The following RYR1 variants were observed in gnomAD, a reference collection of about 807,000 sequenced individuals.
The protein encoded by RYR1 is ryanodine receptor 1, also known as central core disease of muscle.
In RYR1, 342 loss-of-function variants were observed where a neutral mutation model predicts 583.5. The ratio of observed to expected loss-of-function variants is 0.59; its 90% confidence interval spans 0.54 to 0.64. RYR1 has a LOEUF of 0.64. Ranked by LOEUF, RYR1 falls within the 30% of genes least tolerant of loss-of-function variation. The pLI is 0.00. For synonymous variants in RYR1, 2,791 were observed against 2,822.5 expected, an observed-to-expected ratio of 0.99 and a Z score of 0.35; for missense variants, 6,032 against 6,917.2, an observed-to-expected ratio of 0.87 and a Z score of 4.54.
In RYR1 at chr19:38,473,539, G is replaced by A; in HGVS notation, c.3928G>A (p.Ala1310Thr). 1 of 1,607,716 alleles carries A rather than the reference G, an allele frequency of 6.2e-7. No homozygotes were observed. The highest frequency in any genetic ancestry group is 8.5e-7 in the Non-Finnish European group (1 of 1,177,808). ...FRCTAGATPL[A>T]PPGLQPPAED... The stretch of plus-strand genomic sequence containing the variant: ...CTGCACTGCAGGGGCCACCCCGCTG[G>A]CACCTCCTGGCCTGCAGCCCCCCGC... The change falls in exon 28 of 106, where the codon GCA becomes ACA. Residue 1310 changes from alanine (A) to threonine (T), a missense_variant. By Grantham distance (58) the Ala-to-Thr change is moderately conservative. Coordinates refer to ENST00000359596, the MANE Select transcript of RYR1 (RefSeq NM_000540.3).
chr19:38,515,172 A>G, intron 64 of RYR1, 65 bp downstream of exon 64: 3 of 1,127,032 alleles, frequency 2.7e-6, no homozygotes, highest in Non-Finnish European at 4.0e-6. Context: ...GAGCAGGGGA[A>G]GAAGATGGGG....
rs761877895 is a variant in RYR1, at chr19:38,567,003, G to A, written c.13514+16G>A. 2 of 1,576,132 alleles carry A rather than the reference G, an allele frequency of 1.3e-6. No individual in the cohort carries two copies. The highest frequency in any genetic ancestry group is 3.7e-5 in the Admixed American group (2 of 54,202). ...AGAAAGCCGAGTGAGTGGCCTTGGGGCTGAGGGGCCTAGCCCCTATCACTG... is the reference window on the plus strand; with the variant it reads ...AGAAAGCCGAGTGAGTGGCCTTGGGACTGAGGGGCCTAGCCCCTATCACTG... On this transcript the variant is annotated intron_variant, in intron 92 of 105. Transcript: ENST00000359596.
intron 89 of RYR1, among the ~76,000 whole-genome samples, chr19:38,555,110 A>G (rs912165836): frequency 6.6e-6 from 1 of 151,874 alleles, no homozygotes; most frequent in Non-Finnish European, 1.5e-5. Flanking sequence ...TTCTGCCTCT[A>G]TAGATTTGCC....
rs1600644307 is a variant in RYR1, at chr19:38,444,710, T to C, written c.631+33T>C. ...CCCCAGACCTCCCCCTAAATGGAGA[T>C]CCCCCCAAAACAGACCCTTAATGTT... On this transcript the variant is annotated intron_variant, in intron 7 of 105. Transcript: ENST00000359596. This position sits in a 1 kb window ranked among gnomAD's most constrained non-coding sequence, Gnocchi z 5.1. The C allele has an allele frequency of 1.4e-6, 2 of 1,474,898 alleles. No individual in the cohort carries two copies. Among genetic ancestry groups the C allele is most frequent in the Admixed American group, 1.8e-5 (1 of 56,220 alleles). The allele number at this position is 1,474,898 out of a possible 1,614,324, so 91.4% of individuals were successfully genotyped here.
rs138932463 is a variant in RYR1 at position 38,564,963 on chromosome 19, A to G, written c.12629A>G (p.Lys4210Arg). 8.6e-5 allele frequency: 136 copies of G among 1,582,528 alleles called. No individual in the cohort carries two copies. The highest frequency in any genetic ancestry group is 1.7e-4 in the Middle Eastern group (1 of 5,874). ...NRAQWEMPQV[K>R]ESKRQFIFDV... is the part of the protein sequence containing the mutation. ...GTCTGCCGCCCCTCGCTTCAGGTGAAGGAGTCCAAGCGCCAGTTCATCTTC... is the reference window on the plus strand; with the variant it reads ...GTCTGCCGCCCCTCGCTTCAGGTGAGGGAGTCCAAGCGCCAGTTCATCTTC... The change falls in exon 91 of 106, where the codon AAG becomes AGG. Residue 4210 changes from lysine to arginine, a missense_variant. By Grantham distance (26) the Lys-to-Arg change is conservative. Transcript: ENST00000359596.
At chr19:38,569,768 C>T (rs1973629126) in intron 93 of RYR1, among the ~76,000 whole-genome samples, 1 of 152,152 alleles carries the variant, frequency 6.6e-6, no homozygotes, top group East Asian at 1.9e-4. Flanking sequence ...GTAAAGTGCG[C>T]ATAACAGTAG....
chr19:38,502,676 T>A lies in RYR1; in HGVS notation c.7784T>A (p.Leu2595His). The change falls in exon 48 of 106, where the codon CTC becomes CAC. Residue 2595 changes from leucine to histidine, a missense_variant. Leu to His is a moderately conservative substitution (Grantham distance 99). Around this residue, in one of 11 missense-constraint regions of RYR1, gnomAD observed 250 missense variants for 162.3 expected, o/e 1.54. Coordinates refer to ENST00000359596, the MANE Select transcript of RYR1 (RefSeq NM_000540.3). ...TACCGCCTGTCTCGGGGTCGTTCGC[T>A]CACCAAGGCGCAGCGTGACGTCATC... ...TVYRLSRGRS[L>H]TKAQRDVIED... The A allele has an allele frequency of 6.2e-7, 1 of 1,608,378 alleles. No individual in the cohort carries two copies. The highest frequency in any genetic ancestry group is 8.5e-7 in the Non-Finnish European group (1 of 1,179,374).
chr19:38,528,803 G>T, intron 75 of RYR1, 108 bp downstream of exon 75: 1 of 1,437,768 alleles, frequency 7.0e-7, no homozygotes, highest in South Asian at 1.2e-5. Flanking sequence ...AAGGGGTATA[G>T]AAATGCCAGC....
chr19:38,483,110 G>C lies in RYR1; in HGVS notation c.4704G>C (p.Gln1568His). 1 of 1,614,030 alleles carries C rather than the reference G, an allele frequency of 6.2e-7. No individual in the cohort carries two copies. Among genetic ancestry groups the C allele is most frequent in the Non-Finnish European group, 8.5e-7 (1 of 1,179,906 alleles). Residue 1568 changes from glutamine (Q) to histidine (H), a missense_variant, in exon 32 of 106, where the codon CAG (glutamine) becomes CAC (histidine). Physicochemically the swap from Gln to His is conservative, Grantham distance 24. This residue lies in a region of RYR1 where 2,627 missense variants were observed against 2,961.3 expected (regional missense o/e 0.89). Transcript: ENST00000359596. The surrounding 1 kb of genome is among the most constrained non-coding windows in gnomAD (Gnocchi z 6.3). Reference protein sequence around the residue: ...QNVIQFELGKQKNIMPLSAAM... With the variant: ...QNVIQFELGKHKNIMPLSAAM... Reference sequence around the variant, plus strand: ...TCATCCAGTTTGAGCTGGGGAAGCAGAAGGTACAAGTGCAGTGATGGGGGC... The same window carrying C: ...TCATCCAGTTTGAGCTGGGGAAGCACAAGGTACAAGTGCAGTGATGGGGGC...
chr19:38,456,007 T>G (rs1967362285), intron 16 of RYR1, among the ~76,000 whole-genome samples: 1 of 139,766 alleles, frequency 7.2e-6, no homozygotes. Flanking sequence ...AGTCTCACAC[T>G]GTCGCTCAGA....
rs1218250454 is a variant in RYR1, at chr19:38,442,423, G to A, written c.240G>A (p.Met80Ile). The A allele has an allele frequency of 6.2e-7, 1 of 1,613,452 alleles. No individual in the cohort carries two copies. Among genetic ancestry groups the A allele is most frequent in the African/African-American group, 1.3e-5 (1 of 74,812 alleles). The change falls in exon 3 of 106, where the codon ATG (methionine) becomes ATA (isoleucine). Residue 80 changes from methionine (M) to isoleucine (I), a missense_variant. Around this residue, in one of 11 missense-constraint regions of RYR1, gnomAD observed 338 missense variants for 441.6 expected, o/e 0.77. Transcript: ENST00000359596. ...TGTCTGTGCGAGCCCTGCAGGAGAT[G>A]CTGGCTAACACGGTGGAGGCTGGCG... ...QSLSVRALQE[M>I]LANTVEAGVE... is the part of the protein sequence containing the mutation.
intron 16 of RYR1, 31 bp from the exon 17 acceptor site, chr19:38,457,466 A>C: frequency 6.2e-7 from 1 of 1,613,860 alleles, no homozygotes; most frequent in Non-Finnish European, 8.5e-7. Context: ...TGGTGCCTAC[A>C]CACCCTTTAA....
intron 92 of RYR1, 144 bp downstream of exon 92, chr19:38,567,131 G>A: frequency 7.5e-7 from 1 of 1,331,926 alleles, no homozygotes; most frequent in Non-Finnish European, 1.0e-6. Flanking sequence ...ACGGAGGAGG[G>A]GCTCTGAGTA....
intron 76 of RYR1, among the ~76,000 whole-genome samples, chr19:38,530,468 C>G (rs555960065): frequency 1.9e-4 from 28 of 149,588 alleles, no homozygotes; most frequent in African/African-American, 5.4e-4. Context: ...GGGGGTCTCA[C>G]TATGTTGCCC....
rs770370125 is a variant in RYR1 at position 38,448,374 on chromosome 19, C to G, written c.820C>G (p.Arg274Gly). The change falls in exon 10 of 106, where the codon CGC (arginine) becomes GGC (glycine). Residue 274 changes from arginine (R) to glycine (G), a missense_variant. Physicochemically the swap from Arg to Gly is moderately radical, Grantham distance 125. This residue lies in a region of RYR1 where 338 missense variants were observed against 441.6 expected (regional missense o/e 0.77). Transcript: ENST00000359596. ...CCACAGCTGGAGTGGGAGCCACCTG[C>G]GCTGGGGCCAGCCACTCCGAGTCCG... ...LRISWSGSHLRWGQPLRVRHV... is the reference protein window; with the variant it reads ...LRISWSGSHLGWGQPLRVRHV... 1 of 1,610,034 alleles carries G rather than the reference C, an allele frequency of 6.2e-7. No homozygotes were observed. Among genetic ancestry groups the G allele is most frequent in the Non-Finnish European group, 8.5e-7 (1 of 1,179,986 alleles).
intron 25 of RYR1, among the ~76,000 whole-genome samples, chr19:38,468,054 A>G (rs1568464008): frequency 5.1e-5 from 2 of 39,114 alleles, no homozygotes; most frequent in Non-Finnish European, 1.0e-4. Context: ...TCCATCATCC[A>G]TCCATCCATC....
At chr19:38,494,126 C>T (rs1483541415) in intron 38 of RYR1, among the ~76,000 whole-genome samples, 3 of 152,030 alleles carry the variant, frequency 2.0e-5, no homozygotes, top group East Asian at 1.9e-4. Context: ...CTGTGATAGC[C>T]CCACAGCACC....
intron 7 of RYR1, among the ~76,000 whole-genome samples, chr19:38,445,580 A>T (rs1000862473): frequency 3.3e-5 from 5 of 152,092 alleles, no homozygotes; most frequent in Admixed American, 1.3e-4. Flanking sequence ...AGACTCATCA[A>T]CTTCTAACTA....
intron 78 of RYR1, among the ~76,000 whole-genome samples, chr19:38,534,001 T>C (rs1232199756): frequency 1.3e-5 from 2 of 148,698 alleles, no homozygotes; most frequent in African/African-American, 4.9e-5. Flanking sequence ...TGGAACCATC[T>C]GTAATTTTTT....
Sources: gnomAD v4.1 joint callset for allele counts (sites outside exome capture counted in the v4.1 genomes callset) on GRCh38, gnomAD v4.1.1 for gene constraint, gnomAD v4.1.1 regional missense constraint, Gnocchi (gnomAD v3.1) non-coding constraint, MANE v1.5 for transcripts, NCBI Gene and HGNC (gene_info 2026-07-23, HGNC 2026-07-21) for gene names.